MYH9: variants seen among roughly 807,000 people sequenced by gnomAD.
MYH9 encodes myosin-9.
Under a neutral mutation model 241.9 loss-of-function variants are expected in MYH9, and 29 were observed. The observed-to-expected ratio is 0.12, with a 90% CI of 0.09 to 0.16. MYH9 has a LOEUF of 0.16. MYH9 is among the 10% of genes least tolerant of loss of function. The pLI, the probability that MYH9 is intolerant of heterozygous loss-of-function variation, is 1.00. For missense variants in MYH9, 1,803 were observed against 2,595.5 expected, an observed-to-expected ratio of 0.69 and a Z score of 6.63; for synonymous variants, 1,047 against 1,062.6, an observed-to-expected ratio of 0.99 and a Z score of 0.29.
intron 31 of MYH9, 116 bp from the exon 32 acceptor site, chr22:36,289,413 G>T: frequency 1.1e-6 from 1 of 938,630 alleles, no homozygotes; most frequent in Non-Finnish European, 1.6e-6. Flanking sequence ...GAGAGGAGCA[G>T]GCCTAGGAAG....
chr22:36,285,325 T>A lies in MYH9; in HGVS notation c.5279A>T (p.Asp1760Val). Reference sequence around the variant, plus strand: ...CAGGTTCAGGTCGGTGTTGATCTGGTCGATCTGCAGAAGAAGGGCCAGTGA... The same window carrying A: ...CAGGTTCAGGTCGGTGTTGATCTGGACGATCTGCAGAAGAAGGGCCAGTGA... Reference protein sequence around the residue: ...DRLKKANLQIDQINTDLNLER... With the variant: ...DRLKKANLQIVQINTDLNLER... The change falls in exon 38 of 41, where the codon GAC (aspartate) becomes GTC (valine). Residue 1760 changes from aspartate (D) to valine (V), a missense_variant. Asp to Val is a radical substitution (Grantham distance 152, BLOSUM62 -3). Around this residue, in one of 11 missense-constraint regions of MYH9, gnomAD observed 876 missense variants for 1,077.8 expected, o/e 0.81. Coordinates refer to ENST00000216181, the MANE Select transcript of MYH9 (RefSeq NM_002473.6). The surrounding 1 kb of genome is among the most constrained non-coding windows in gnomAD (Gnocchi z 7.0). 1.9e-6 allele frequency: 3 copies of A among 1,608,526 alleles called. No individual in the cohort carries two copies. Among genetic ancestry groups the A allele is most frequent in the East Asian group, 2.2e-5 (1 of 44,854 alleles).
Position 36,284,826 on chromosome 22 carries a change from T to C in MYH9, c.5483+295A>G, listed in dbSNP as rs117501534. Among the ~76,000 whole-genome samples, 262 of 152,276 alleles carry C rather than the reference T, an allele frequency of 1.7e-3. 4 individuals are homozygous for C. In the East Asian group the frequency reaches 0.045, roughly 26 times the overall value. ...GGAAGTCTCAGTCCTGCTGAGCCCATAGGACAACTGTCCTAGTGGGCAGGA... is the reference window on the plus strand; with the variant it reads ...GGAAGTCTCAGTCCTGCTGAGCCCACAGGACAACTGTCCTAGTGGGCAGGA... On this transcript the variant is annotated intron_variant, in intron 38 of 40. Transcript: ENST00000216181.
At chr22:36,290,161 C>G (rs1043853644) in intron 31 of MYH9, among the ~76,000 whole-genome samples, 1 of 151,912 alleles carries the variant, frequency 6.6e-6, no homozygotes, top group Non-Finnish European at 1.5e-5. Flanking sequence ...GAGTTTGAGA[C>G]CAGCCTGGGC....
Position 36,316,538 on chromosome 22 carries a change from A to G in MYH9, c.1359T>C (p.Ile453=). Residue 453 remains isoleucine, a synonymous_variant, in exon 12 of 41, where the codon ATT becomes ATC. Transcript: ENST00000216181. Reference sequence around the variant, plus strand: ...TCACATCAAAGATCTCGAAGCCGGCAATGTCCAGGATCCCGATGAAGGAGG... The same window carrying G: ...TCACATCAAAGATCTCGAAGCCGGCGATGTCCAGGATCCCGATGAAGGAGG... The part of the protein sequence containing the change: ...QGASFIGILD[I]AGFEIFDLNS... 1.2e-6 allele frequency: 2 copies of G among 1,614,102 alleles called. No homozygotes were observed. Among genetic ancestry groups the G allele is most frequent in the Non-Finnish European group, 8.5e-7 (1 of 1,180,014 alleles).
intron 1 of MYH9, chr22:36,364,697 A>G (rs891764154): frequency 1.3e-5 from 2 of 152,212 alleles, no homozygotes; most frequent in African/African-American, 4.8e-5. Context: ...ATCTCCCTGC[A>G]TTGATCAAGC....
rs763715243 is a variant in MYH9 at position 36,314,098 on chromosome 22, G to A, written c.1554+47C>T. 1.9e-6 allele frequency: 3 copies of A among 1,591,530 alleles called. No homozygotes were observed. In the East Asian group the frequency reaches 6.7e-5, roughly 36 times the overall value. On this transcript the variant is annotated intron_variant, in intron 13 of 40. Coordinates refer to ENST00000216181, the MANE Select transcript of MYH9 (RefSeq NM_002473.6). ...AGGTGAGGAGCGGGTGCCCCGGAAG[G>A]GAAAAGCCAGAGGCAGGTGTGAGGT...
chr22:36,303,367 G>C (rs1422102479), intron 19 of MYH9, among the ~76,000 whole-genome samples: 4 of 151,786 alleles, frequency 2.6e-5, no homozygotes, highest in Admixed American at 6.6e-5. Context: ...GGACAGGCAG[G>C]CTCTGGGTGC....
chr22:36,321,910 C>T, intron 6 of MYH9, 89 bp from the exon 7 acceptor site: 9 of 1,163,400 alleles, frequency 7.7e-6, no homozygotes, highest in Non-Finnish European at 1.2e-5. Context: ...CCCGCCCCAC[C>T]TCCGGTGGGC....
chr22:36,366,406 C>A (rs2018011175), intron 1 of MYH9, among the ~76,000 whole-genome samples: 1 of 151,954 alleles, frequency 6.6e-6, no homozygotes, highest in African/African-American at 2.4e-5. Flanking sequence ...GGGGGAGTGT[C>A]CCACTCCAGG....
intron 5 of MYH9, 142 bp downstream of exon 5, chr22:36,326,426 T>C (rs1464991954): frequency 2.4e-6 from 2 of 843,120 alleles, no homozygotes; most frequent in East Asian, 4.9e-5. Flanking sequence ...CGCCACTGCC[T>C]CAATGGAAAT....
At chr22:36,369,427 C>G (rs1006277040) in intron 1 of MYH9, among the ~76,000 whole-genome samples, 1 of 152,194 alleles carries the variant, frequency 6.6e-6, no homozygotes, top group Non-Finnish European at 1.5e-5. Flanking sequence ...GGCGGCAGGC[C>G]GGCTCTGGGC....
chr22:36,371,039 C>A (rs1272836442), intron 1 of MYH9, among the ~76,000 whole-genome samples: 1 of 152,116 alleles, frequency 6.6e-6, no homozygotes, highest in Non-Finnish European at 1.5e-5. Flanking sequence ...GGTAGAGCAC[C>A]GTCCTGGAGG....
rs56001030 is a variant in MYH9 at position 36,319,565 on chromosome 22, G to A, written c.1083C>T (p.Asp361=). The A allele has an allele frequency of 4.5e-3, 7,227 of 1,614,138 alleles. 39 individuals carry two copies. The highest frequency in any genetic ancestry group is 9.8e-3 in the Admixed American group (586 of 60,016). The change falls in exon 10 of 41, where the codon GAC becomes GAT. Residue 361 remains aspartate, a synonymous_variant. Transcript: ENST00000216181. ...NIVFKKERNT[D]QASMPDNTAA... is the part of the protein sequence containing the mutation. ...CTGTGTTGTCGGGCATGGACGCCTG[G>A]TCAGTGTTCCGCTCCTTCTTGAAGA...
chr22:36,365,703 T>C (rs948674470), intron 1 of MYH9, among the ~76,000 whole-genome samples: 1 of 152,134 alleles, frequency 6.6e-6, no homozygotes, highest in Non-Finnish European at 1.5e-5. Context: ...TCAAGTGATT[T>C]GCCCACCTCA....
At chr22:36,290,719 C>G (rs1028743798) in intron 31 of MYH9, among the ~76,000 whole-genome samples, 1 of 151,356 alleles carries the variant, frequency 6.6e-6, no homozygotes, top group Non-Finnish European at 1.5e-5. Context: ...TCTTCCCGGC[C>G]GCCATCACAT....
At chr22:36,358,752 G>A (rs912850046) in intron 1 of MYH9, among the ~76,000 whole-genome samples, 2 of 152,028 alleles carry the variant, frequency 1.3e-5, no homozygotes, top group African/African-American at 4.8e-5. Flanking sequence ...CTCCCTCCTG[G>A]CCTCCCCTGC....
intron 1 of MYH9, 86 bp from the exon 2 acceptor site, chr22:36,349,341 A>G (rs983168179): frequency 2.0e-4 from 195 of 987,386 alleles, no homozygotes; most frequent in Admixed American, 8.1e-4. Flanking sequence ...TTCTCTTTGC[A>G]AACTGTATAG....
In MYH9 at chr22:36,288,030, C is replaced by T. The variant is rs142488869; in HGVS notation, c.4932+222G>A. Among the ~76,000 whole-genome samples the T allele has an allele frequency of 1.3e-5, 2 of 152,318 alleles. No individual in the cohort carries two copies. Among genetic ancestry groups the T allele is most frequent in the Admixed American group, 6.5e-5 (1 of 15,292 alleles). Reference sequence around the variant, plus strand: ...TGTTTGCTTCTGTGTTTTATGTACCCAGTCATACACCGTTTTGCAAGTTTG... The same window carrying T: ...TGTTTGCTTCTGTGTTTTATGTACCTAGTCATACACCGTTTTGCAAGTTTG... On this transcript the variant is annotated intron_variant, in intron 34 of 40. Coordinates refer to ENST00000216181, the MANE Select transcript of MYH9 (RefSeq NM_002473.6). The surrounding 1 kb of genome is among the most constrained non-coding windows in gnomAD (Gnocchi z 4.8).
intron 1 of MYH9, among the ~76,000 whole-genome samples, chr22:36,383,863 G>A (rs2018297269): frequency 6.6e-6 from 1 of 151,738 alleles, no homozygotes; most frequent in African/African-American, 2.4e-5. Flanking sequence ...GGGAGGTTGA[G>A]GCATGAGAAC....
Sources: allele counts gnomAD v4.1 joint callset (sites outside exome capture counted in the v4.1 genomes callset), GRCh38; gene constraint gnomAD v4.1.1; regional missense constraint gnomAD v4.1.1; non-coding constraint Gnocchi (gnomAD v3.1); transcripts MANE v1.5; gene names NCBI Gene and HGNC (gene_info 2026-07-23, HGNC 2026-07-21).